Variants in ACOXL observed in about 807,000 individuals in gnomAD.
ACOXL encodes acyl-coenzyme A oxidase-like protein.
A neutral mutation model predicts 71.9 loss-of-function variants in ACOXL; 70 were observed. The ratio of observed to expected loss-of-function variants is 0.97; its 90% CI spans 0.80 to 1.19. The LOEUF (loss-of-function observed/expected upper bound fraction) is 1.19. Ranked by LOEUF, ACOXL falls within the 50% of genes most tolerant of loss-of-function variation. The pLI, the probability that ACOXL is intolerant of heterozygous loss-of-function variation, is 0.00. For missense variants in ACOXL, 703 were observed against 736.3 expected (o/e 0.95, Z 0.52); for synonymous variants, 253 against 281.6 (o/e 0.90, Z 1.02).
intron 14 of ACOXL, among the ~76,000 whole-genome samples, chr2:111,012,585 A>T (rs12997152): frequency 0.018 from 2,803 of 152,358 alleles, 29 homozygotes; most frequent in African/African-American, 0.021. Flanking sequence ...AAAAGATTAA[A>T]GTAATGCAGA....
At chr2:110,865,342 G>A (rs990783956) in intron 10 of ACOXL, among the ~76,000 whole-genome samples, 9 of 152,198 alleles carry the variant, frequency 5.9e-5, no homozygotes, top group Non-Finnish European at 1.3e-4. Flanking sequence ...CCTGAGAGCT[G>A]CCTCCTCAGA....
intron 10 of ACOXL, among the ~76,000 whole-genome samples, chr2:110,898,234 A>AT (rs1469706130): frequency 2.6e-5 from 4 of 151,930 alleles, no homozygotes; most frequent in African/African-American, 4.8e-5. Flanking sequence ...TTTCCAAGTC[A>AT]TTTTTTTTGA....
At chr2:110,860,990 G>A (rs1349814918) in intron 10 of ACOXL, among the ~76,000 whole-genome samples, 1 of 152,150 alleles carries the variant, frequency 6.6e-6, no homozygotes, top group Admixed American at 6.5e-5. Flanking sequence ...CAAGGCATAC[G>A]CCTGTAATCC....
At chr2:110,933,685 A>T in intron 12 of ACOXL, 43 bp downstream of exon 12, 1 of 1,573,296 alleles carries the variant, frequency 6.4e-7, no homozygotes, top group Non-Finnish European at 8.6e-7. Flanking sequence ...CCCACGATAC[A>T]ACCCACACTG....
intron 7 of ACOXL, among the ~76,000 whole-genome samples, chr2:110,800,221 T>C (rs1685806146): frequency 6.6e-6 from 1 of 152,216 alleles, no homozygotes; most frequent in Non-Finnish European, 1.5e-5. Context: ...GGCTTCATTC[T>C]TGAAGTCAGC....
intron 16 of ACOXL, among the ~76,000 whole-genome samples, chr2:111,052,443 C>G (rs13034863): frequency 0.082 from 12,518 of 151,940 alleles, 630 homozygotes; most frequent in Non-Finnish European, 0.11. Context: ...AAGCCAGCTT[C>G]TCTGTGACTC....
rs1457087220 is a variant in ACOXL at position 111,087,013 on chromosome 2, C to A, written c.1441-5852C>A. ...TAGCATTCCGATACACCAACAAAAT[C>A]CAAGTTCAGAGCCAAATCAGGAATG... is the stretch of plus-strand genomic sequence containing the variant. On this transcript the variant is annotated intron_variant, in intron 16 of 17. Coordinates refer to ENST00000439055, the MANE Select transcript of ACOXL (RefSeq NM_001142807.4). Among the ~76,000 whole-genome samples the A allele has an allele frequency of 9.2e-5, 14 of 152,138 alleles. No individual in the cohort carries two copies. In the East Asian group the frequency reaches 2.7e-3, roughly 29 times the overall value.
At chr2:110,940,712 C>T (rs1025675436) in intron 12 of ACOXL, among the ~76,000 whole-genome samples, 1 of 152,178 alleles carries the variant, frequency 6.6e-6, no homozygotes, top group Non-Finnish European at 1.5e-5. Context: ...GTTTCCATAA[C>T]ACTTGATGGT....
intron 9 of ACOXL, among the ~76,000 whole-genome samples, chr2:110,834,759 C>T (rs906198523): frequency 6.6e-6 from 1 of 152,220 alleles, no homozygotes. Context: ...TCTCTGACCA[C>T]CAAAGTCCCC....
chr2:111,117,260 C>CGGAGGGAAGGACCA (rs1460079097), intron 17 of ACOXL, among the ~76,000 whole-genome samples: 1 of 152,076 alleles, frequency 6.6e-6, no homozygotes, highest in Admixed American at 6.5e-5. Flanking sequence ...GAGAGAGGAG[C>CGGAGGGAAGGACCA]GGAGGGAAGG....
chr2:110,987,138 A>T lies in ACOXL; in HGVS notation c.1090A>T (p.Thr364Ser). The T allele has an allele frequency of 6.3e-7, 1 of 1,575,314 alleles. No individual in the cohort carries two copies. Among genetic ancestry groups the T allele is most frequent in the Non-Finnish European group, 8.6e-7 (1 of 1,157,258 alleles). ...GGGGCGGGAACTGCTGGCCCAATACACCAAACAGTATGAAGAAAAACCACT... is the reference window on the plus strand; with the variant it reads ...GGGGCGGGAACTGCTGGCCCAATACTCCAAACAGTATGAAGAAAAACCACT... The part of the protein sequence containing the change: ...VVGRELLAQY[T>S]KQYEEKPLFG... Residue 364 changes from threonine (T) to serine (S), a missense_variant, in exon 13 of 18, where the codon ACC becomes TCC. Transcript: ENST00000439055.
chr2:110,807,831 A>G (rs1222071496), intron 9 of ACOXL, among the ~76,000 whole-genome samples: 1 of 152,042 alleles, frequency 6.6e-6, no homozygotes, highest in Non-Finnish European at 1.5e-5. Flanking sequence ...GCTCTTGCTG[A>G]TGAGTGGAAA....
chr2:110,778,433 G>A (rs1682924978), intron 2 of ACOXL, among the ~76,000 whole-genome samples: 1 of 152,170 alleles, frequency 6.6e-6, no homozygotes, highest in African/African-American at 2.4e-5. Context: ...TATCATATAT[G>A]AATTTATACT....
At chr2:110,965,613 A>G (rs765753389) in intron 12 of ACOXL, among the ~76,000 whole-genome samples, 8 of 152,202 alleles carry the variant, frequency 5.3e-5, no homozygotes, top group Non-Finnish European at 8.8e-5. Context: ...TTGACTGTAT[A>G]AAGAATGTGA....
chr2:110,860,312 T>C (rs112590123), intron 10 of ACOXL, among the ~76,000 whole-genome samples: 3 of 152,320 alleles, frequency 2.0e-5, no homozygotes, highest in African/African-American at 7.2e-5. Flanking sequence ...GGTTTCACCA[T>C]GTTGGCCAGG....
intron 16 of ACOXL, 106 bp from the exon 17 acceptor site, chr2:111,092,759 T>C: frequency 1.3e-6 from 1 of 799,086 alleles, no homozygotes; most frequent in Non-Finnish European, 2.1e-6. Flanking sequence ...ACTTTTACGA[T>C]TTTATGAAAT....
At chr2:110,915,386 A>ATG (rs572051282) in intron 11 of ACOXL, among the ~76,000 whole-genome samples, 273 of 123,186 alleles carry the variant, frequency 2.2e-3, no homozygotes, top group African/African-American at 6.2e-3. Flanking sequence ...GTGTGTATGT[A>ATG]TGTGTGTGTG....
At chr2:110,768,330 A>G in intron 1 of ACOXL, 38 bp from the exon 2 acceptor site, 1 of 1,566,122 alleles carries the variant, frequency 6.4e-7, no homozygotes, top group Non-Finnish European at 8.8e-7. Context: ...CTCAGTCACC[A>G]ATTATTGGCT....
chr2:110,997,184 T>A (rs2063435401), intron 14 of ACOXL, among the ~76,000 whole-genome samples: 2 of 152,100 alleles, frequency 1.3e-5, no homozygotes, highest in Admixed American at 6.6e-5. Context: ...AAGAAAAGGC[T>A]AAAGACAAAA....
Sources: gnomAD v4.1 joint callset for allele counts (sites outside exome capture counted in the v4.1 genomes callset) on GRCh38, gnomAD v4.1.1 for gene constraint, MANE v1.5 for transcripts, NCBI Gene and HGNC (gene_info 2026-07-23, HGNC 2026-07-21) for gene names.